Variants in PRTFDC1 observed in about 807,000 individuals in gnomAD.
PRTFDC1 encodes phosphoribosyltransferase domain-containing protein 1.
PRTFDC1 carries 38 observed loss-of-function variants against 34.6 expected under a neutral mutation model. The observed-to-expected ratio is 1.10, with a 90% CI of 0.85 to 1.44. PRTFDC1 has a LOEUF of 1.44. Ranked by LOEUF, PRTFDC1 falls within the 40% of genes most tolerant of loss-of-function variation. PRTFDC1 has a pLI of 0.00. For missense variants in PRTFDC1, 270 were observed against 283.0 expected, an observed-to-expected ratio of 0.95 and a Z score of 0.33; for synonymous variants, 93 against 98.1, an observed-to-expected ratio of 0.95 and a Z score of 0.31.
At chr10:24,855,475 G>A in intron 6 of PRTFDC1, 111 bp from the exon 7 acceptor site, 1 of 1,256,910 alleles carries the variant, frequency 8.0e-7, no homozygotes, top group East Asian at 2.3e-5. Context: ...TGCTACTGTG[G>A]CACTATATAG....
At chr10:24,905,147 T>G (rs372039307) in intron 3 of PRTFDC1, among the ~76,000 whole-genome samples, 14 of 146,290 alleles carry the variant, frequency 9.6e-5, no homozygotes, top group Admixed American at 6.8e-4. Flanking sequence ...TGTCTAGAAG[T>G]ACAAAAAAAA....
At chr10:24,915,617 A>G (rs1009747949) in intron 3 of PRTFDC1, among the ~76,000 whole-genome samples, 2 of 152,178 alleles carry the variant, frequency 1.3e-5, no homozygotes, top group African/African-American at 4.8e-5. Flanking sequence ...AGCCCTTATC[A>G]AGGTCAACAA....
At chr10:24,866,416 C>T (rs535948217) in intron 4 of PRTFDC1, among the ~76,000 whole-genome samples, 4 of 149,838 alleles carry the variant, frequency 2.7e-5, no homozygotes, top group Non-Finnish European at 5.9e-5. Context: ...GTTTGGGGGG[C>T]ATGTCTCCCA....
intron 1 of PRTFDC1, among the ~76,000 whole-genome samples, chr10:24,950,865 T>C (rs1849331633): frequency 6.6e-6 from 1 of 152,208 alleles, no homozygotes; most frequent in South Asian, 2.1e-4. Context: ...GCTGATGACT[T>C]CCAAATCTCT....
At chr10:24,860,884 G>C (rs1037397511) in intron 4 of PRTFDC1, among the ~76,000 whole-genome samples, 3 of 152,220 alleles carry the variant, frequency 2.0e-5, no homozygotes, top group Non-Finnish European at 4.4e-5. Flanking sequence ...AATACTTGGA[G>C]AATGTTGTGG....
At chr10:24,883,054 T>TA (rs375242177) in intron 3 of PRTFDC1, among the ~76,000 whole-genome samples, 523 of 148,268 alleles carry the variant, frequency 3.5e-3, no homozygotes, top group Non-Finnish European at 5.2e-3. Context: ...CATATATACA[T>TA]AATTTATATA....
intron 2 of PRTFDC1, among the ~76,000 whole-genome samples, chr10:24,941,057 T>C (rs927428676): frequency 3.0e-4 from 46 of 151,702 alleles, no homozygotes; most frequent in Non-Finnish European, 2.9e-4. Flanking sequence ...TGTGTGTGTG[T>C]GTGTTTGTGT....
At position 24,893,989 on chromosome 10, in the gene PRTFDC1, CTGCT is replaced by C. The variant is rs1565268847; in HGVS notation, c.340-21930_340-21927del. Among the ~76,000 whole-genome samples, 5 of 152,292 alleles carry C rather than the reference CTGCT, an allele frequency of 3.3e-5. No individual in the cohort carries two copies. The East Asian group carries it at 9.7e-4, about 29-fold the overall frequency. ...GGTCAAGGCAGAGGAGGTGCAGAAA[CTGCT>C]TGTCTCCTGATAACATTACTGTAGT... On this transcript the variant is annotated intron_variant, in intron 3 of 8. Transcript: ENST00000320152.
intron 7 of PRTFDC1, among the ~76,000 whole-genome samples, chr10:24,851,691 T>G (rs1433795012): frequency 1.3e-5 from 2 of 151,668 alleles, no homozygotes; most frequent in Non-Finnish European, 2.9e-5. Flanking sequence ...CAATGAAGAA[T>G]GACTGATCTA....
At chr10:24,945,676 C>G (rs1849240963) in intron 1 of PRTFDC1, among the ~76,000 whole-genome samples, 1 of 152,188 alleles carries the variant, frequency 6.6e-6, no homozygotes, top group African/African-American at 2.4e-5. Flanking sequence ...AGGCTGGTCT[C>G]AAACTCCTGG....
chr10:24,850,844 A>C (rs1245902430), intron 8 of PRTFDC1, among the ~76,000 whole-genome samples: 1 of 152,138 alleles, frequency 6.6e-6, no homozygotes, highest in East Asian at 1.9e-4. Flanking sequence ...CTTTTGGTTT[A>C]AATTTCTAAT....
At chr10:24,853,656 G>T (rs1451227022) in intron 7 of PRTFDC1, among the ~76,000 whole-genome samples, 1 of 152,046 alleles carries the variant, frequency 6.6e-6, no homozygotes, top group Non-Finnish European at 1.5e-5. Flanking sequence ...TGTAACCAGG[G>T]TTATAATAAT....
intron 3 of PRTFDC1, among the ~76,000 whole-genome samples, chr10:24,872,806 A>ATATATATATAT (rs1235935301): frequency 3.4e-5 from 4 of 117,652 alleles, no homozygotes; most frequent in African/African-American, 1.4e-4. Flanking sequence ...ATATATATAT[A>ATATATATATAT]TTTTTTTTTT....
rs1247454245 is a variant in PRTFDC1, at chr10:24,866,803, AG to A, written c.405+5194del. Among the ~76,000 whole-genome samples, 423 of 152,054 alleles carry A rather than the reference AG, an allele frequency of 2.8e-3. 1 individual carries two copies. The highest frequency in any genetic ancestry group is 9.5e-3 in the African/African-American group (395 of 41,456). ...GAAGAAAAGAAAGAAAGAGAGAGAG[AG>A]AGAGAGAAAAGAAGAGAGAGAAAGG... On this transcript the variant is annotated intron_variant, in intron 4 of 8. Coordinates refer to ENST00000320152, the MANE Select transcript of PRTFDC1 (RefSeq NM_020200.7).
At position 24,849,908 on chromosome 10, in the gene PRTFDC1, T is replaced by C. The variant is rs1055435812; in HGVS notation, c.631-17A>G. The stretch of plus-strand genomic sequence containing the variant: ...GCATATGTGCTGAAACAATAAAGGA[T>C]TTAAACGCATCAGTTTCTTAACAAA... On this transcript the variant is annotated splice_polypyrimidine_tract_variant and intron_variant, in intron 8 of 8. Coordinates refer to ENST00000320152, the MANE Select transcript of PRTFDC1 (RefSeq NM_020200.7). 22 of 1,613,128 alleles carry C rather than the reference T, an allele frequency of 1.4e-5. No individual in the cohort carries two copies. Among genetic ancestry groups the C allele is most frequent in the Non-Finnish European group, 1.6e-5 (19 of 1,179,480 alleles).
intron 3 of PRTFDC1, among the ~76,000 whole-genome samples, chr10:24,898,710 G>A (rs929125970): frequency 1.3e-5 from 2 of 152,118 alleles, no homozygotes; most frequent in African/African-American, 4.8e-5. Flanking sequence ...TGATTGGTCT[G>A]GCTTGGATGA....
At chr10:24,947,826 A>G (rs984693322) in intron 1 of PRTFDC1, among the ~76,000 whole-genome samples, 1 of 151,948 alleles carries the variant, frequency 6.6e-6, no homozygotes, top group Non-Finnish European at 1.5e-5. Context: ...AATTCAAAGA[A>G]TCCCAGACAG....
At chr10:24,906,271 G>A (rs907902664) in intron 3 of PRTFDC1, among the ~76,000 whole-genome samples, 1 of 152,068 alleles carries the variant, frequency 6.6e-6, no homozygotes, top group African/African-American at 2.4e-5. Flanking sequence ...TCCTAACTCA[G>A]CTGAAAAAGC....
chr10:24,872,808 T>TATA (rs1565261776), intron 3 of PRTFDC1, among the ~76,000 whole-genome samples: 358 of 65,774 alleles, frequency 5.4e-3, no homozygotes, highest in Middle Eastern at 0.02. Context: ...ATATATATAT[T>TATA]TTTTTTTTTT....
Sources: allele counts gnomAD v4.1 joint callset (sites outside exome capture counted in the v4.1 genomes callset), GRCh38; gene constraint gnomAD v4.1.1; transcripts MANE v1.5; gene names NCBI Gene and HGNC (gene_info 2026-07-23, HGNC 2026-07-21).